LTBP1: variants seen among roughly 807,000 people sequenced by gnomAD.
The protein encoded by LTBP1 is latent transforming growth factor beta binding protein 1, also known as latent-transforming growth factor beta-binding protein 1.
LTBP1 carries 129 observed loss-of-function variants against 207.6 expected under a neutral mutation model. That is an observed-to-expected ratio of 0.62 (90% CI 0.54 to 0.72). The LOEUF is 0.72. LTBP1 is among the 30% of genes least tolerant of loss of function. LTBP1 has a pLI of 0.00. For synonymous variants in LTBP1, 963 were observed against 833.7 expected (o/e 1.16, Z -2.67); for missense variants, 2,281 against 2,217.2 (o/e 1.03, Z -0.58).
intron 3 of LTBP1, among the ~76,000 whole-genome samples, chr2:33,059,153 A>T (rs896947185): frequency 1.3e-5 from 2 of 152,216 alleles, no homozygotes; most frequent in African/African-American, 4.8e-5. Flanking sequence ...CTGTGCCCAT[A>T]AAAAGCTATA....
intron 24 of LTBP1, among the ~76,000 whole-genome samples, chr2:33,324,778 T>C (rs938165103): frequency 6.7e-6 from 1 of 148,566 alleles, no homozygotes; most frequent in African/African-American, 2.5e-5. Context: ...CTCGGCTCAC[T>C]GCAACCTCCG....
At chr2:33,145,127 T>C (rs1243927223) in intron 5 of LTBP1, among the ~76,000 whole-genome samples, 1 of 152,212 alleles carries the variant, frequency 6.6e-6, no homozygotes, top group Admixed American at 6.5e-5. Flanking sequence ...TAAAACTTGA[T>C]TTTCTATTTA....
intron 9 of LTBP1, among the ~76,000 whole-genome samples, chr2:33,239,229 A>AT (rs1243748353): frequency 6.6e-6 from 1 of 152,170 alleles, no homozygotes; most frequent in Non-Finnish European, 1.5e-5. Context: ...AGCTTCATGG[A>AT]TTTTGCCTAC....
intron 3 of LTBP1, among the ~76,000 whole-genome samples, chr2:33,051,391 T>G: frequency 6.6e-6 from 1 of 152,028 alleles, no homozygotes; most frequent in Non-Finnish European, 1.5e-5. Flanking sequence ...AACTCCAACC[T>G]GGGTTTCAGA....
intron 5 of LTBP1, among the ~76,000 whole-genome samples, chr2:33,146,686 G>A (rs1216126865): frequency 2.0e-5 from 3 of 152,170 alleles, no homozygotes; most frequent in South Asian, 4.1e-4. Flanking sequence ...CAATCATGGT[G>A]GAAGGCAAAG....
intron 23 of LTBP1, among the ~76,000 whole-genome samples, chr2:33,312,844 T>A (rs1053749875): frequency 6.6e-6 from 1 of 152,184 alleles, no homozygotes. Flanking sequence ...CACTGAGGCA[T>A]AGGATAAAAT....
intron 18 of LTBP1, among the ~76,000 whole-genome samples, chr2:33,278,938 G>A (rs2093501826): frequency 6.6e-6 from 1 of 152,092 alleles, no homozygotes; most frequent in South Asian, 2.1e-4. Context: ...TTCACTTTAA[G>A]TATCTTTTCA....
intron 33 of LTBP1, among the ~76,000 whole-genome samples, 176 bp from the exon 34 acceptor site, chr2:33,398,188 A>G (rs1322593325): frequency 1.3e-5 from 2 of 152,182 alleles, no homozygotes; most frequent in African/African-American, 4.8e-5. Flanking sequence ...AACCTCCCTG[A>G]TAATCTGCCT....
At chr2:33,384,298 G>T (rs893015586) in intron 31 of LTBP1, among the ~76,000 whole-genome samples, 1 of 152,150 alleles carries the variant, frequency 6.6e-6, no homozygotes, top group Middle Eastern at 3.2e-3. Flanking sequence ...ATCTTGTTTA[G>T]ACTACTTAGC....
chr2:33,272,624 C>G (rs2093346038), intron 15 of LTBP1, among the ~76,000 whole-genome samples: 1 of 152,188 alleles, frequency 6.6e-6, no homozygotes, highest in African/African-American at 2.4e-5. Context: ...AGTTGGAACT[C>G]TGATTATTTC....
At chr2:33,001,468 T>C (rs1686056749) in intron 2 of LTBP1, among the ~76,000 whole-genome samples, 1 of 134,746 alleles carries the variant, frequency 7.4e-6, no homozygotes. Flanking sequence ...ACAACTGCCT[T>C]AAGATTAAAT....
chr2:33,364,098 T>C, intron 29 of LTBP1, 118 bp from the exon 30 acceptor site: 1 of 907,696 alleles, frequency 1.1e-6, no homozygotes, highest in South Asian at 1.8e-5. Context: ...GTGTGGTTAA[T>C]TAAAATTTGG....
intron 2 of LTBP1, among the ~76,000 whole-genome samples, chr2:32,951,367 A>G (rs1257600593): frequency 6.6e-6 from 1 of 152,200 alleles, no homozygotes; most frequent in Non-Finnish European, 1.5e-5. Flanking sequence ...GGGGTAGGTC[A>G]GCGTGCGATC....
chr2:33,358,012 G>GA (rs1453918045), intron 26 of LTBP1, among the ~76,000 whole-genome samples: 2 of 152,104 alleles, frequency 1.3e-5, no homozygotes, highest in South Asian at 2.1e-4. Context: ...TATCCCAATA[G>GA]AAAAATGCTC....
chr2:33,082,500 G>T (rs2078495570), intron 3 of LTBP1, among the ~76,000 whole-genome samples: 1 of 142,570 alleles, frequency 7.0e-6, no homozygotes, highest in Non-Finnish European at 1.5e-5. Context: ...CCAGGCCAGA[G>T]TGCAGGTGCG....
At chr2:33,209,313 G>A (rs1483424890) in intron 7 of LTBP1, among the ~76,000 whole-genome samples, 1 of 152,146 alleles carries the variant, frequency 6.6e-6, no homozygotes, top group Non-Finnish European at 1.5e-5. Context: ...CATGCTGTGT[G>A]GTGTTTTGTG....
chr2:33,244,860 T>TTATCTATCTATCTATCTATCTATC (rs71409605), intron 10 of LTBP1, among the ~76,000 whole-genome samples: 1 of 150,850 alleles, frequency 6.6e-6, no homozygotes, highest in African/African-American at 2.4e-5. Context: ...GTTTTTGTTT[T>TTATCTATCTATCTATCTATCTATC]TATCTATCTA....
intron 7 of LTBP1, 90 bp downstream of exon 7, chr2:33,188,941 T>A (rs979488239): frequency 3.5e-5 from 50 of 1,410,742 alleles, no homozygotes; most frequent in African/African-American, 7.2e-5. Context: ...AAATGCTTTT[T>A]TAAAAAAAAG....
At chr2:33,253,619 T>A (rs1417644170) in intron 11 of LTBP1, among the ~76,000 whole-genome samples, 1 of 152,204 alleles carries the variant, frequency 6.6e-6, no homozygotes, top group Non-Finnish European at 1.5e-5. Context: ...AATTGCATGT[T>A]TGATAAGATG....
Sources: gnomAD v4.1 joint callset for allele counts (sites outside exome capture counted in the v4.1 genomes callset) on GRCh38, gnomAD v4.1.1 for gene constraint, MANE v1.5 for transcripts, NCBI Gene and HGNC (gene_info 2026-07-23, HGNC 2026-07-21) for gene names.